The following PTPN4 variants were observed in gnomAD, a reference collection of about 807,000 sequenced individuals.
PTPN4 encodes protein tyrosine phosphatase non-receptor type 4, also known as tyrosine-protein phosphatase non-receptor type 4.
A neutral mutation model predicts 135.5 loss-of-function variants in PTPN4; 49 were observed. The ratio of observed to expected loss-of-function variants is 0.36; its 90% CI spans 0.29 to 0.46. The LOEUF (loss-of-function observed/expected upper bound fraction) is 0.46, where lower values mean the gene tolerates loss of function less well. Among genes scored for constraint, PTPN4 ranks in the 20% least tolerant of loss-of-function variants. The pLI is 1.00. For synonymous variants in PTPN4, 333 were observed against 369.9 expected (o/e 0.90, Z 1.14); for missense variants, 860 against 1,101.0 (o/e 0.78, Z 3.10).
intron 1 of PTPN4, among the ~76,000 whole-genome samples, chr2:119,778,002 G>A (rs1313196679): frequency 6.6e-6 from 1 of 151,892 alleles, no homozygotes; most frequent in Non-Finnish European, 1.5e-5. Context: ...ATAGAGACCG[G>A]CATTCTTTTT....
In PTPN4 at chr2:119,767,117, T is replaced by A. The variant is rs116441744; in HGVS notation, c.-18+6733T>A. Among the ~76,000 whole-genome samples the A allele has an allele frequency of 3.3e-3, 502 of 152,342 alleles. 2 individuals are homozygous for A. The highest frequency in any genetic ancestry group is 0.011 in the African/African-American group (475 of 41,566). On this transcript the variant is annotated intron_variant, in intron 1 of 26. Transcript: ENST00000263708. ...GCTATGTACCGTGTGTATACACAGC[T>A]CAAGATGAGCCTGGAACACCTCGTG...
chr2:119,898,556 T>C (rs2105013585), intron 9 of PTPN4, among the ~76,000 whole-genome samples: 1 of 152,324 alleles, frequency 6.6e-6, no homozygotes, highest in Admixed American at 6.5e-5. Context: ...GGTACTTTTT[T>C]CTATGCCTAA....
intron 12 of PTPN4, among the ~76,000 whole-genome samples, chr2:119,921,452 A>G (rs1329938998): frequency 1.3e-5 from 2 of 152,206 alleles, no homozygotes; most frequent in African/African-American, 4.8e-5. Context: ...AAATAACAGT[A>G]TGAAGCTTAG....
intron 1 of PTPN4, among the ~76,000 whole-genome samples, chr2:119,766,187 G>A (rs571712118): frequency 2.0e-5 from 3 of 152,242 alleles, no homozygotes; most frequent in Non-Finnish European, 2.9e-5. Context: ...TTATCCCAAC[G>A]TGCTAAGAAA....
At chr2:119,939,762 G>T (rs1679035441) in intron 15 of PTPN4, among the ~76,000 whole-genome samples, 1 of 152,034 alleles carries the variant, frequency 6.6e-6, no homozygotes, top group South Asian at 2.1e-4. Context: ...TCAGCTACTG[G>T]CACTGATGAT....
At chr2:119,925,828 A>G (rs1053614781) in intron 12 of PTPN4, among the ~76,000 whole-genome samples, 9 of 152,206 alleles carry the variant, frequency 5.9e-5, no homozygotes, top group African/African-American at 2.2e-4. Flanking sequence ...CAAAGTATCC[A>G]GAGGATTAAC....
chr2:119,778,518 A>G (rs755423737), intron 1 of PTPN4, among the ~76,000 whole-genome samples: 2 of 152,194 alleles, frequency 1.3e-5, no homozygotes, highest in African/African-American at 4.8e-5. Context: ...ATAAACAGGT[A>G]TATTGAAGGC....
At chr2:119,859,647 C>T (rs921307957) in intron 2 of PTPN4, among the ~76,000 whole-genome samples, 1 of 152,114 alleles carries the variant, frequency 6.6e-6, no homozygotes, top group African/African-American at 2.4e-5. Context: ...TAGGGGAAGC[C>T]GAACACCTCC....
At chr2:119,946,453 T>G (rs1679134400) in intron 17 of PTPN4, 29 bp downstream of exon 17, 2 of 1,591,466 alleles carry the variant, frequency 1.3e-6, no homozygotes. Flanking sequence ...TATACTCAGT[T>G]TTTAAATTAA....
At chr2:119,806,247 A>T (rs1267882131) in intron 1 of PTPN4, among the ~76,000 whole-genome samples, 1 of 152,248 alleles carries the variant, frequency 6.6e-6, no homozygotes, top group Non-Finnish European at 1.5e-5. Context: ...TTAAATGTAA[A>T]TTGGCTAAAT....
chr2:119,760,263 G>A lies in PTPN4; in HGVS notation c.-139G>A, dbSNP rs1292316258. 5.0e-6 allele frequency: 2 copies of A among 396,336 alleles called. No homozygotes were observed. Among genetic ancestry groups the A allele is most frequent in the East Asian group, 3.6e-5 (1 of 27,992 alleles). The allele number at this position is 396,336 out of a possible 1,614,324, so 24.6% of individuals were successfully genotyped here. A position where few individuals can be genotyped will look rare whatever the true frequency, so the allele number is the denominator to read the frequency against. On this transcript the variant is annotated 5_prime_UTR_variant, in exon 1 of 27. Coordinates refer to ENST00000263708, the MANE Select transcript of PTPN4 (RefSeq NM_002830.4). ...TCGTGGCGCGACCGCTGCGGCGGCG[G>A]CTGCTCGGGGGGCGCTGAGGTAGCC...
intron 2 of PTPN4, among the ~76,000 whole-genome samples, chr2:119,811,806 A>G (rs1676883358): frequency 6.6e-6 from 1 of 152,116 alleles, no homozygotes; most frequent in Admixed American, 6.5e-5. Flanking sequence ...AGTTAACAGT[A>G]GTATGCTGTA....
At chr2:119,898,898 A>G (rs1264481203) in intron 9 of PTPN4, among the ~76,000 whole-genome samples, 1 of 152,180 alleles carries the variant, frequency 6.6e-6, no homozygotes, top group Non-Finnish European at 1.5e-5. Context: ...CTAACATTGT[A>G]TCTTGATTGG....
At chr2:119,802,093 C>T (rs1228593568) in intron 1 of PTPN4, among the ~76,000 whole-genome samples, 16 of 151,868 alleles carry the variant, frequency 1.1e-4, no homozygotes, top group African/African-American at 3.6e-4. Flanking sequence ...TTAGGAGAGA[C>T]GGGGTTTCAC....
chr2:119,823,607 C>T (rs544550401), intron 2 of PTPN4, among the ~76,000 whole-genome samples: 15 of 152,264 alleles, frequency 9.9e-5, no homozygotes, highest in Middle Eastern at 3.4e-3. Context: ...TCAATTATTT[C>T]GTGGTTGCTG....
chr2:119,946,701 G>T, intron 18 of PTPN4, 127 bp downstream of exon 18: 1 of 759,732 alleles, frequency 1.3e-6, no homozygotes, highest in Non-Finnish European at 2.1e-6. Context: ...TCAAATGTTG[G>T]CTGAATCTCT....
intron 5 of PTPN4, among the ~76,000 whole-genome samples, chr2:119,880,687 G>A (rs929075920): frequency 3.3e-5 from 5 of 151,530 alleles, no homozygotes; most frequent in African/African-American, 1.2e-4. Flanking sequence ...TGATCTGCCC[G>A]CCTCGGCCTC....
At chr2:119,904,142 A>G (rs1243355117) in intron 10 of PTPN4, among the ~76,000 whole-genome samples, 1 of 152,196 alleles carries the variant, frequency 6.6e-6, no homozygotes, top group Non-Finnish European at 1.5e-5. Context: ...AAGAAATGCA[A>G]TGATATATGA....
intron 16 of PTPN4, among the ~76,000 whole-genome samples, chr2:119,945,780 TG>T (rs1372356768): frequency 6.6e-6 from 1 of 151,862 alleles, no homozygotes; most frequent in African/African-American, 2.4e-5. Context: ...GGTGGGAAAA[TG>T]GGGAACGACT....
Sources: allele counts gnomAD v4.1 joint callset (sites outside exome capture counted in the v4.1 genomes callset), GRCh38; gene constraint gnomAD v4.1.1; transcripts MANE v1.5; gene names NCBI Gene and HGNC (gene_info 2026-07-23, HGNC 2026-07-21).